USH2A: variants seen among roughly 807,000 people sequenced by gnomAD.
USH2A encodes the protein Usher syndrome 2A (autosomal recessive, mild).
Under a neutral mutation model 538.9 loss-of-function variants are expected in USH2A, and 443 were observed. The observed-to-expected ratio is 0.82, with a 90% CI of 0.76 to 0.89. The LOEUF (loss-of-function observed/expected upper bound fraction) is 0.89, where lower values mean the gene tolerates loss of function less well. Ranked by LOEUF, USH2A falls within the 40% of genes least tolerant of loss-of-function variation. The pLI is 0.00. For synonymous variants in USH2A, 2,413 were observed against 2,273.5 expected, an observed-to-expected ratio of 1.06 and a Z score of -1.75; for missense variants, 6,633 against 6,324.8, an observed-to-expected ratio of 1.05 and a Z score of -1.65.
intron 21 of USH2A, among the ~76,000 whole-genome samples, chr1:216,141,862 A>T (rs541004451): frequency 2.8e-4 from 42 of 152,088 alleles, no homozygotes; most frequent in Non-Finnish European, 4.0e-4. Context: ...GTCACCCACC[A>T]ACTATTACTG....
At chr1:216,185,577 ACAT>A (rs899948454) in intron 20 of USH2A, among the ~76,000 whole-genome samples, 12 of 151,914 alleles carry the variant, frequency 7.9e-5, no homozygotes, top group African/African-American at 2.7e-4. Flanking sequence ...GAGCTATTAG[ACAT>A]AAGAGTTAAA....
chr1:216,085,193 A>T (rs1571948587), intron 24 of USH2A: 2 of 307,548 alleles, frequency 6.5e-6, no homozygotes, highest in East Asian at 1.4e-4. Context: ...TCAAAAATAA[A>T]GTACTATAAT....
chr1:216,082,844 T>G (rs533935273), intron 26 of USH2A, among the ~76,000 whole-genome samples: 1 of 152,050 alleles, frequency 6.6e-6, no homozygotes, highest in East Asian at 1.9e-4. Flanking sequence ...TCAGAAACAA[T>G]GTTGAGTGCT....
At chr1:216,340,536 C>CA (rs58985032) in intron 4 of USH2A, among the ~76,000 whole-genome samples, 1,561 of 119,856 alleles carry the variant, frequency 0.013, 27 homozygotes, top group African/African-American at 0.035. Flanking sequence ...AGAGACATGA[C>CA]AAAAAAAAAA....
rs41277196 is a variant in USH2A, at chr1:215,867,247, T to G, written c.8682-77A>C. ...ATCTAACAAATAATTTCTTTTTTTC[T>G]TCACAAAATACAGGATTTCCTTCCA... On this transcript the variant is annotated intron_variant, in intron 43 of 71. Transcript: ENST00000307340. 0.011 allele frequency: 16,595 copies of G among 1,490,594 alleles called. 131 individuals carry two copies. Among genetic ancestry groups the G allele is most frequent in the Middle Eastern group, 0.032 (173 of 5,328 alleles). 92.3% of individuals were successfully genotyped at this position (1,490,594 alleles called of 1,614,324 possible). A position where few individuals can be genotyped will look rare whatever the true frequency, so the allele number is the denominator to read the frequency against.
At chr1:216,417,016 C>T (rs1338453330) in intron 3 of USH2A, among the ~76,000 whole-genome samples, 1 of 152,092 alleles carries the variant, frequency 6.6e-6, no homozygotes, top group Non-Finnish European at 1.5e-5. Flanking sequence ...ACAAATTGGT[C>T]TCCTATCTGT....
rs1655911143 is a variant in USH2A at position 215,624,150 on chromosome 1, T to C, written c.*1631A>G. 1 of 152,220 alleles carries C rather than the reference T, an allele frequency of 6.6e-6. No individual in the cohort carries two copies. The highest frequency in any genetic ancestry group is 1.5e-5 in the Non-Finnish European group (1 of 68,022). The allele number at this position is 152,220 out of a possible 1,614,324, so 9.4% of individuals were successfully genotyped here. On this transcript the variant is annotated 3_prime_UTR_variant, in exon 72 of 72. Transcript: ENST00000307340. ...TATATTTCGTATTTTCTACAGTCAC[T>C]GCCAGATGTGCACAATTATTTCAGA...
intron 30 of USH2A, among the ~76,000 whole-genome samples, chr1:216,063,026 AAT>A (rs1477533175): frequency 7.2e-5 from 11 of 152,342 alleles, no homozygotes; most frequent in African/African-American, 2.6e-4. Context: ...ATTTTATTTA[AAT>A]ATGACTCTAA....
intron 21 of USH2A, among the ~76,000 whole-genome samples, chr1:216,167,939 A>G (rs1233281700): frequency 6.6e-6 from 1 of 152,102 alleles, no homozygotes; most frequent in East Asian, 1.9e-4. Context: ...GTTTTGAAAG[A>G]GATGGCATTT....
chr1:216,067,916 C>A (rs2031432964), intron 30 of USH2A, among the ~76,000 whole-genome samples: 1 of 151,630 alleles, frequency 6.6e-6, no homozygotes, highest in African/African-American at 2.4e-5. Flanking sequence ...TGGAGCAAGC[C>A]AGAAAAAAAT....
chr1:216,043,080 C>G (rs2030356019), intron 32 of USH2A, among the ~76,000 whole-genome samples: 3 of 152,044 alleles, frequency 2.0e-5, no homozygotes. Flanking sequence ...CAGACTAATA[C>G]AGGTGTTCTG....
intron 60 of USH2A, among the ~76,000 whole-genome samples, chr1:215,731,321 C>G (rs920443777): frequency 6.6e-6 from 1 of 152,124 alleles, no homozygotes; most frequent in Non-Finnish European, 1.5e-5. Context: ...AGTACATGTC[C>G]CATCTGCACT....
At chr1:216,074,526 G>C (rs1039721895) in intron 27 of USH2A, among the ~76,000 whole-genome samples, 18 of 152,068 alleles carry the variant, frequency 1.2e-4, no homozygotes, top group Non-Finnish European at 2.4e-4. Flanking sequence ...GTCTTATTAT[G>C]CCTTCTAACA....
At chr1:216,231,032 G>A (rs1429812516) in intron 14 of USH2A, among the ~76,000 whole-genome samples, 5 of 150,406 alleles carry the variant, frequency 3.3e-5, no homozygotes, top group Non-Finnish European at 7.4e-5. Flanking sequence ...TAAAGAGAGT[G>A]TAACTTTGAA....
In USH2A at chr1:216,086,687, T is replaced by A. The variant is rs750821893; in HGVS notation, c.4987+32A>T. 3.4e-6 allele frequency: 5 copies of A among 1,482,070 alleles called. No homozygotes were observed. The South Asian group carries it at 5.7e-5, about 17-fold the overall frequency. 91.8% of individuals were successfully genotyped at this position (1,482,070 alleles called of 1,614,324 possible). A position where few individuals can be genotyped will look rare whatever the true frequency, so the allele number is the denominator to read the frequency against. ...AAACAGGTTCTATTCTAAGTTTGGA[T>A]GACAACATATAATATACCTTACTAA... On this transcript the variant is annotated intron_variant, in intron 24 of 71. Transcript: ENST00000307340.
At chr1:215,896,353 T>C (rs2102466504) in intron 40 of USH2A, among the ~76,000 whole-genome samples, 1 of 152,270 alleles carries the variant, frequency 6.6e-6, no homozygotes, top group Admixed American at 6.5e-5. Context: ...TGATTTCAAT[T>C]TCATTAGTTG....
chr1:215,853,925 C>T (rs755485046), intron 44 of USH2A, among the ~76,000 whole-genome samples: 15 of 152,226 alleles, frequency 9.9e-5, no homozygotes, highest in Non-Finnish European at 1.6e-4. Context: ...CCCACATTTT[C>T]CTGTCTTCTT....
intron 4 of USH2A, among the ~76,000 whole-genome samples, chr1:216,329,460 C>G (rs184496285): frequency 6.6e-6 from 1 of 152,076 alleles, no homozygotes; most frequent in Middle Eastern, 3.4e-3. Flanking sequence ...ATAGGAAAGA[C>G]GAATAGGAAA....
intron 62 of USH2A, among the ~76,000 whole-genome samples, chr1:215,676,852 C>T (rs1305275203): frequency 6.6e-6 from 1 of 152,164 alleles, no homozygotes; most frequent in Non-Finnish European, 1.5e-5. Flanking sequence ...TTAGCTGTCC[C>T]TCTATACTCA....
Sources: allele counts gnomAD v4.1 joint callset (sites outside exome capture counted in the v4.1 genomes callset), GRCh38; gene constraint gnomAD v4.1.1; transcripts MANE v1.5; gene names NCBI Gene and HGNC (gene_info 2026-07-23, HGNC 2026-07-21).